Variants in SLIT1 observed in about 807,000 individuals in gnomAD.
SLIT1 encodes slit homolog 1 protein.
A neutral mutation model predicts 186.1 loss-of-function variants in SLIT1; 66 were observed. The ratio of observed to expected loss-of-function variants is 0.35; its 90% CI spans 0.29 to 0.44. SLIT1 has a LOEUF of 0.44. SLIT1 is among the 20% of genes least tolerant of loss of function. The probability of loss-of-function intolerance (pLI) is 1.00; values close to 1 mark genes in which losing one functional copy is unlikely to be tolerated. For missense variants in SLIT1, 1,638 were observed against 2,037.4 expected (o/e 0.80, Z 3.77); for synonymous variants, 761 against 833.8 (o/e 0.91, Z 1.50).
chr10:97,005,690 C>T (rs1848354018), intron 32 of SLIT1, among the ~76,000 whole-genome samples: 3 of 152,078 alleles, frequency 2.0e-5, no homozygotes, highest in South Asian at 2.1e-4. Context: ...TTATTTTTGG[C>T]GGTTAGGCTA....
At chr10:97,071,783 G>T (rs116048712) in intron 4 of SLIT1, among the ~76,000 whole-genome samples, 1 of 152,218 alleles carries the variant, frequency 6.6e-6, no homozygotes, top group African/African-American at 2.4e-5. Context: ...TACAGCTGGT[G>T]TGGCACTCAG....
At chr10:97,033,629 A>G (rs1440967024) in intron 23 of SLIT1, among the ~76,000 whole-genome samples, 1 of 152,240 alleles carries the variant, frequency 6.6e-6, no homozygotes, top group African/African-American at 2.4e-5. Context: ...CTCATAGACA[A>G]TGCTAAGCAA....
At chr10:97,114,615 C>T (rs1220656325) in intron 4 of SLIT1, among the ~76,000 whole-genome samples, 1 of 152,144 alleles carries the variant, frequency 6.6e-6, no homozygotes, top group Non-Finnish European at 1.5e-5. Context: ...GCCATGACTG[C>T]ACCACTGCAC....
Position 97,121,351 on chromosome 10 carries a change from T to C in SLIT1, c.413+36467A>G, listed in dbSNP as rs542904939. On this transcript the variant is annotated intron_variant, in intron 4 of 36. Coordinates refer to ENST00000266058, the MANE Select transcript of SLIT1 (RefSeq NM_003061.3). Reference sequence around the variant, plus strand: ...AATCTCTCACCAGGACGAGCTGATCTGTCTACTCTGCTCTTAGAGCTGCCA... The same window carrying C: ...AATCTCTCACCAGGACGAGCTGATCCGTCTACTCTGCTCTTAGAGCTGCCA... Among the ~76,000 whole-genome samples, 3 of 152,318 alleles carry C rather than the reference T, an allele frequency of 2.0e-5. No individual in the cohort carries two copies. In the South Asian group the frequency reaches 6.2e-4, roughly 32 times the overall value.
chr10:97,154,101 G>A (rs2134715936), intron 4 of SLIT1: 1 of 152,372 alleles, frequency 6.6e-6, no homozygotes, highest in Middle Eastern at 3.4e-3. Flanking sequence ...CAGGTGCTCA[G>A]GTCAATAGAA....
chr10:97,072,818 C>T (rs946079792), intron 4 of SLIT1, among the ~76,000 whole-genome samples: 1 of 152,180 alleles, frequency 6.6e-6, no homozygotes, highest in Non-Finnish European at 1.5e-5. Flanking sequence ...ATTGACCAAC[C>T]ATGGACCTCG....
chr10:97,099,328 G>C (rs1008049682), intron 4 of SLIT1, among the ~76,000 whole-genome samples: 1 of 152,202 alleles, frequency 6.6e-6, no homozygotes, highest in Non-Finnish European at 1.5e-5. Context: ...AGGCACCACC[G>C]CACCAGGCTG....
At chr10:97,112,029 G>T (rs1484029155) in intron 4 of SLIT1, among the ~76,000 whole-genome samples, 1 of 152,072 alleles carries the variant, frequency 6.6e-6, no homozygotes, top group Non-Finnish European at 1.5e-5. Flanking sequence ...ACTCACACCC[G>T]CACCCTGACC....
chr10:97,139,739 C>T (rs980612708), intron 4 of SLIT1, among the ~76,000 whole-genome samples: 3 of 152,168 alleles, frequency 2.0e-5, no homozygotes, highest in Non-Finnish European at 2.9e-5. Context: ...TGCAGAGTTC[C>T]GGGGGCCTGG....
intron 4 of SLIT1, among the ~76,000 whole-genome samples, chr10:97,099,894 T>C (rs2134669650): frequency 6.6e-6 from 1 of 152,376 alleles, no homozygotes; most frequent in Non-Finnish European, 1.5e-5. Context: ...AACTGACAGC[T>C]AATTAGAAGG....
At chr10:97,080,720 A>G (rs534548838) in intron 4 of SLIT1, among the ~76,000 whole-genome samples, 1 of 152,334 alleles carries the variant, frequency 6.6e-6, no homozygotes, top group South Asian at 2.1e-4. Context: ...AAACCAGTCA[A>G]CTCACACCAA....
intron 4 of SLIT1, among the ~76,000 whole-genome samples, chr10:97,119,913 G>GTGTGTATATATATA (rs1241836707): frequency 7.1e-5 from 4 of 56,510 alleles, no homozygotes; most frequent in Non-Finnish European, 1.1e-4. Context: ...TTCCAAAGGG[G>GTGTGTATATATATA]TATATATATA....
At chr10:97,185,340 G>C (rs896779356) in intron 1 of SLIT1, 138 bp downstream of exon 1, 160 of 797,914 alleles carry the variant, frequency 2.0e-4, no homozygotes, top group Non-Finnish European at 2.9e-4. Flanking sequence ...GAAAGACCCC[G>C]GCAGGCACTG....
intron 4 of SLIT1, among the ~76,000 whole-genome samples, chr10:97,091,170 T>A (rs898686502): frequency 3.3e-5 from 5 of 152,252 alleles, no homozygotes; most frequent in Non-Finnish European, 5.9e-5. Context: ...ACAGATTTGA[T>A]TTTTTCCATT....
At chr10:97,082,007 G>T (rs1219575000) in intron 4 of SLIT1, among the ~76,000 whole-genome samples, 1 of 152,178 alleles carries the variant, frequency 6.6e-6, no homozygotes, top group Non-Finnish European at 1.5e-5. Context: ...AGAAAGACAG[G>T]ATAGCTCCTC....
At chr10:97,163,525 G>C (rs1011968969) in intron 2 of SLIT1, 74 bp from the exon 3 acceptor site, 209 of 1,303,646 alleles carry the variant, frequency 1.6e-4, no homozygotes, top group Non-Finnish European at 2.2e-4. Flanking sequence ...GCACAACGGC[G>C]GGGCAGAGGC....
intron 4 of SLIT1, among the ~76,000 whole-genome samples, chr10:97,089,759 C>T (rs1219365734): frequency 2.0e-5 from 3 of 152,088 alleles, no homozygotes; most frequent in South Asian, 2.1e-4. Context: ...TGGGGTTCAC[C>T]GGGGAGGATG....
chr10:97,031,743 G>A lies in SLIT1; in HGVS notation c.2439-66C>T, dbSNP rs1000749497. ...CCTGGCCCCTGTGGGCACAGCCGCC[G>A]CCCAGGACGTGGAGGTCCCTCTCAC... On this transcript the variant is annotated intron_variant, in intron 23 of 36. Coordinates refer to ENST00000266058, the MANE Select transcript of SLIT1 (RefSeq NM_003061.3). 89 of 1,317,004 alleles carry A rather than the reference G, an allele frequency of 6.8e-5. No homozygotes were observed. The East Asian group carries it at 1.6e-3, about 24-fold the overall frequency. 81.6% of individuals were successfully genotyped at this position (1,317,004 alleles called of 1,614,324 possible).
chr10:97,118,016 C>T (rs146659420), intron 4 of SLIT1, among the ~76,000 whole-genome samples: 2 of 152,280 alleles, frequency 1.3e-5, no homozygotes, highest in Admixed American at 1.3e-4. Flanking sequence ...AAACAGCTTC[C>T]TCATTCTCTA....
Sources: allele counts gnomAD v4.1 joint callset (sites outside exome capture counted in the v4.1 genomes callset), GRCh38; gene constraint gnomAD v4.1.1; transcripts MANE v1.5; gene names NCBI Gene and HGNC (gene_info 2026-07-23, HGNC 2026-07-21).